Variants in XIRP2 observed in about 807,000 individuals in gnomAD.
The protein encoded by XIRP2 is xin actin binding repeat containing 2, also known as xin actin-binding repeat-containing protein 2.
Under a neutral mutation model 277.0 loss-of-function variants are expected in XIRP2, and 236 were observed. The observed-to-expected ratio is 0.85, with a 90% confidence interval of 0.77 to 0.95. The LOEUF (loss-of-function observed/expected upper bound fraction) is 0.95, where lower values mean the gene tolerates loss of function less well. Among genes scored for constraint, XIRP2 ranks in the 40% least tolerant of loss-of-function variants. XIRP2 has a pLI of 0.00. For synonymous variants in XIRP2, 1,490 were observed against 1,416.5 expected (o/e 1.05, Z -1.17); for missense variants, 4,640 against 4,157.5 (o/e 1.12, Z -3.19).
At chr2:167,187,246 A>C in intron 3 of XIRP2, 1 of 985,174 alleles carries the variant, frequency 1.0e-6, no homozygotes, top group Middle Eastern at 5.2e-4. Context: ...CCTCAGAGAC[A>C]CTCTTCTTAA....
At chr2:166,915,532 CCTT>C (rs1365427735) in intron 2 of XIRP2, among the ~76,000 whole-genome samples, 1 of 152,040 alleles carries the variant, frequency 6.6e-6, no homozygotes, top group African/African-American at 2.4e-5. Context: ...GAAAGTTCAT[CCTT>C]CTTCTTTGAA....
At chr2:167,161,738 A>G (rs1236737288) in intron 3 of XIRP2, among the ~76,000 whole-genome samples, 1 of 152,142 alleles carries the variant, frequency 6.6e-6, no homozygotes, top group African/African-American at 2.4e-5. Context: ...CATTTTCCCC[A>G]TTGTTTGGGG....
chr2:167,053,078 G>A (rs1427445532), intron 2 of XIRP2, among the ~76,000 whole-genome samples: 2 of 152,126 alleles, frequency 1.3e-5, no homozygotes, highest in African/African-American at 2.4e-5. Flanking sequence ...TACCCTGATG[G>A]CATTCTGCCT....
At chr2:167,171,218 C>A (rs1317484595) in intron 3 of XIRP2, among the ~76,000 whole-genome samples, 1 of 152,084 alleles carries the variant, frequency 6.6e-6, no homozygotes, top group African/African-American at 2.4e-5. Flanking sequence ...TTAATAGATG[C>A]ATTTAGCGCT....
At chr2:167,203,560 T>C (rs1229387349) in intron 3 of XIRP2, among the ~76,000 whole-genome samples, 1 of 152,200 alleles carries the variant, frequency 6.6e-6, no homozygotes, top group Non-Finnish European at 1.5e-5. Flanking sequence ...TTTTTGTGCT[T>C]ACTTCCACTC....
At chr2:167,144,985 G>A (rs947946577) in intron 3 of XIRP2, among the ~76,000 whole-genome samples, 1 of 152,110 alleles carries the variant, frequency 6.6e-6, no homozygotes. Context: ...TATTTTTCTT[G>A]ATGGTTTGCT....
At chr2:167,045,091 A>G (rs949466237) in intron 2 of XIRP2, among the ~76,000 whole-genome samples, 5 of 152,152 alleles carry the variant, frequency 3.3e-5, no homozygotes, top group Non-Finnish European at 5.9e-5. Flanking sequence ...AGCTAGAAAT[A>G]TAGCTGCACA....
chr2:167,080,197 T>C (rs72884646), intron 2 of XIRP2, among the ~76,000 whole-genome samples: 7,334 of 152,268 alleles, frequency 0.048, 256 homozygotes, highest in Non-Finnish European at 0.074. Context: ...ATAATGGTGA[T>C]GTTGGTTAAT....
At chr2:166,995,145 G>T (rs1574143638) in intron 2 of XIRP2, among the ~76,000 whole-genome samples, 1 of 152,132 alleles carries the variant, frequency 6.6e-6, no homozygotes, top group Non-Finnish European at 1.5e-5. Context: ...CTCCCAAAGT[G>T]CTGGGATTAC....
chr2:167,119,559 T>A (rs1690994939), intron 2 of XIRP2, among the ~76,000 whole-genome samples: 1 of 152,198 alleles, frequency 6.6e-6, no homozygotes, highest in Admixed American at 6.5e-5. Context: ...TACCAGACTC[T>A]CAGTGCTTGA....
At chr2:166,916,904 A>G (rs987104110) in intron 2 of XIRP2, among the ~76,000 whole-genome samples, 1 of 152,148 alleles carries the variant, frequency 6.6e-6, no homozygotes, top group African/African-American at 2.4e-5. Context: ...AATTTTTCTG[A>G]AGACAAATAA....
intron 5 of XIRP2, among the ~76,000 whole-genome samples, chr2:167,235,376 A>T (rs1195863641): frequency 6.6e-6 from 1 of 151,968 alleles, no homozygotes; most frequent in Non-Finnish European, 1.5e-5. Context: ...TCATAGGTTT[A>T]TATGGAAGAA....
At position 167,248,031 on chromosome 2, in the gene XIRP2, G is replaced by A. The variant is rs775068703; in HGVS notation, c.6639G>A (p.Leu2213=). The A allele has an allele frequency of 7.4e-6, 12 of 1,613,380 alleles. No individual in the cohort carries two copies. The highest frequency in any genetic ancestry group is 8.5e-6 in the Non-Finnish European group (10 of 1,179,714). ...ACCTTCAACCAATGTGGCAGCTTTT[G>A]CCTGTAGAGCAAGACACATCCAATG... ...NINLQPMWQL[L]PVEQDTSNVT... is the part of the protein sequence containing the mutation. The change falls in exon 9 of 11, where the codon TTG becomes TTA. Residue 2213 remains leucine (L), a synonymous_variant. Coordinates refer to ENST00000409195, the MANE Select transcript of XIRP2 (RefSeq NM_152381.6).
intron 5 of XIRP2, among the ~76,000 whole-genome samples, chr2:167,234,756 G>T (rs1694853831): frequency 6.6e-6 from 1 of 151,724 alleles, no homozygotes; most frequent in African/African-American, 2.4e-5. Context: ...ACTTGGAATT[G>T]CCTTAACTCT....
chr2:166,911,371 C>T (rs953733737), intron 2 of XIRP2, among the ~76,000 whole-genome samples: 2 of 152,150 alleles, frequency 1.3e-5, no homozygotes, highest in African/African-American at 4.8e-5. Flanking sequence ...TACGTAATGG[C>T]CTTGTCTCTT....
chr2:166,928,072 C>A (rs1005218966), intron 2 of XIRP2, among the ~76,000 whole-genome samples: 2 of 152,040 alleles, frequency 1.3e-5, no homozygotes, highest in Non-Finnish European at 2.9e-5. Flanking sequence ...CTAGAAGAAC[C>A]AGCTCAAAGA....
At chr2:167,257,264 A>G (rs1559048469) in intron 10 of XIRP2, among the ~76,000 whole-genome samples, 1 of 151,810 alleles carries the variant, frequency 6.6e-6, no homozygotes, top group South Asian at 2.1e-4. Context: ...TTGTCACTTC[A>G]TTTAGTTGTA....
chr2:166,998,002 T>C (rs534676601), intron 2 of XIRP2, among the ~76,000 whole-genome samples: 1 of 152,140 alleles, frequency 6.6e-6, no homozygotes, highest in Non-Finnish European at 1.5e-5. Context: ...AGAGTTACAA[T>C]TTAAGAAGTA....
At chr2:167,114,715 G>A (rs1690849580) in intron 2 of XIRP2, among the ~76,000 whole-genome samples, 1 of 151,732 alleles carries the variant, frequency 6.6e-6, no homozygotes, top group South Asian at 2.1e-4. Flanking sequence ...TTGTCCTTGC[G>A]ATAGTTTACT....
Sources: gnomAD v4.1 joint callset for allele counts (sites outside exome capture counted in the v4.1 genomes callset) on GRCh38, gnomAD v4.1.1 for gene constraint, MANE v1.5 for transcripts, NCBI Gene and HGNC (gene_info 2026-07-23, HGNC 2026-07-21) for gene names.